Variants in TMEM72 observed in about 807,000 individuals in gnomAD.
TMEM72 encodes the protein transmembrane protein 72, also known as kidney-specific secretory protein of 37 kDa.
TMEM72 carries 9 observed loss-of-function variants against 16.3 expected under a neutral mutation model. That is an observed-to-expected ratio of 0.55 (90% CI 0.33 to 0.96). The LOEUF is 0.96. TMEM72 is among the 40% of genes least tolerant of loss of function. TMEM72 has a pLI of 0.03. For missense variants in TMEM72, 324 were observed against 337.8 expected, an observed-to-expected ratio of 0.96 and a Z score of 0.32; for synonymous variants, 160 against 146.5, an observed-to-expected ratio of 1.09 and a Z score of -0.66.
Position 44,934,973 on chromosome 10 carries a change from C to T in TMEM72, c.667C>T (p.His223Tyr). Residue 223 changes from histidine to tyrosine, a missense_variant, in exon 5 of 5, where the codon CAC becomes TAC. Transcript: ENST00000389583. ...CTCCCTGGCCAAGAAGAAGCAGGTG[C>T]ACTTTGAAGACAACTTGGTCCGCAT... Reference protein sequence around the residue: ...ADSLAKKKQVHFEDNLVRIVP... With the variant: ...ADSLAKKKQVYFEDNLVRIVP... 6.2e-7 allele frequency: 1 copy of T among 1,614,088 alleles called. No homozygotes were observed. The highest frequency in any genetic ancestry group is 8.5e-7 in the Non-Finnish European group (1 of 1,180,022).
At chr10:44,922,884 G>A (rs373637694) in intron 1 of TMEM72, among the ~76,000 whole-genome samples, 8 of 152,326 alleles carry the variant, frequency 5.3e-5, no homozygotes, top group East Asian at 3.9e-4. Flanking sequence ...ACTCTAAGGC[G>A]TCAGGCCAGA....
At chr10:44,925,169 C>T (rs1024782659) in intron 1 of TMEM72, among the ~76,000 whole-genome samples, 6 of 152,214 alleles carry the variant, frequency 3.9e-5, no homozygotes, top group African/African-American at 1.4e-4. Flanking sequence ...GATTTCCATC[C>T]GGCTCTCATT....
rs1380341832 is a variant in TMEM72, at chr10:44,935,629, C to T, written c.*495C>T. 1 of 153,380 alleles carries T rather than the reference C, an allele frequency of 6.5e-6. No homozygotes were observed. The highest frequency in any genetic ancestry group is 1.4e-5 in the Non-Finnish European group (1 of 69,004). 9.5% of individuals were successfully genotyped at this position (153,380 alleles called of 1,614,324 possible). On this transcript the variant is annotated 3_prime_UTR_variant, in exon 5 of 5. Coordinates refer to ENST00000389583, the MANE Select transcript of TMEM72 (RefSeq NM_001123376.3). ...AAGGTGGCTGTGGGTCTTGACCAACCAAGACTGCTCAGGGTCGGGAGGGGA... is the reference window on the plus strand; with the variant it reads ...AAGGTGGCTGTGGGTCTTGACCAACTAAGACTGCTCAGGGTCGGGAGGGGA...
chr10:44,931,051 G>C lies in TMEM72; in HGVS notation c.138-947G>C, dbSNP rs77958177. On this transcript the variant is annotated intron_variant, in intron 2 of 4. Coordinates refer to ENST00000389583, the MANE Select transcript of TMEM72 (RefSeq NM_001123376.3). ...CTGGGCTGTACAGAAGAATTAGACA[G>C]GGAACGCCCTCTGGGGGTTCACAGA... Among the ~76,000 whole-genome samples, 522 of 152,312 alleles carry C rather than the reference G, an allele frequency of 3.4e-3. 17 individuals are homozygous for C. The East Asian group carries it at 0.078, about 23-fold the overall frequency.
chr10:44,914,542 G>T (rs978752846), intron 1 of TMEM72, among the ~76,000 whole-genome samples: 1 of 152,204 alleles, frequency 6.6e-6, no homozygotes, highest in African/African-American at 2.4e-5. Context: ...CTGGGAAATG[G>T]CACACAGGCT....
At chr10:44,925,573 G>A (rs1262649635) in intron 1 of TMEM72, among the ~76,000 whole-genome samples, 3 of 152,172 alleles carry the variant, frequency 2.0e-5, no homozygotes, top group East Asian at 3.9e-4. Flanking sequence ...AGCTCACTAC[G>A]GTCCTCATGA....
At chr10:44,915,734 G>A (rs1485006991) in intron 1 of TMEM72, among the ~76,000 whole-genome samples, 2 of 152,074 alleles carry the variant, frequency 1.3e-5, no homozygotes, top group African/African-American at 4.8e-5. Flanking sequence ...ACATAGTCAA[G>A]GATCACCAAA....
intron 2 of TMEM72, among the ~76,000 whole-genome samples, chr10:44,928,935 G>A (rs1564437313): frequency 6.6e-6 from 1 of 152,138 alleles, no homozygotes; most frequent in Non-Finnish European, 1.5e-5. Flanking sequence ...TAGAGAATGG[G>A]GAATCAGGTC....
At chr10:44,918,257 T>C (rs1419782478) in intron 1 of TMEM72, among the ~76,000 whole-genome samples, 3 of 152,096 alleles carry the variant, frequency 2.0e-5, no homozygotes, top group Non-Finnish European at 2.9e-5. Context: ...AGCCAAACCA[T>C]ACCAGGGTAC....
intron 1 of TMEM72, among the ~76,000 whole-genome samples, chr10:44,913,123 G>A (rs940035996): frequency 2.6e-5 from 4 of 151,952 alleles, no homozygotes; most frequent in South Asian, 2.1e-4. Context: ...CCACGTTGTC[G>A]TCTACACATA....
chr10:44,924,320 C>T (rs1177446011), intron 1 of TMEM72, among the ~76,000 whole-genome samples: 2 of 152,194 alleles, frequency 1.3e-5, no homozygotes, highest in East Asian at 3.9e-4. Flanking sequence ...CTGATAGTCC[C>T]ACGAGTGGCC....
At chr10:44,914,672 C>A (rs1839988024) in intron 1 of TMEM72, among the ~76,000 whole-genome samples, 1 of 152,198 alleles carries the variant, frequency 6.6e-6, no homozygotes, top group South Asian at 2.1e-4. Context: ...GAGACTCAGG[C>A]CCCAGAGGAG....
At chr10:44,932,816 T>A (rs1472896314) in intron 3 of TMEM72, among the ~76,000 whole-genome samples, 1 of 152,118 alleles carries the variant, frequency 6.6e-6, no homozygotes, top group Non-Finnish European at 1.5e-5. Flanking sequence ...TGGGGAGGAA[T>A]GGACCCTGGA....
chr10:44,911,663 G>A (rs764283635), intron 1 of TMEM72, 81 bp downstream of exon 1: 76 of 1,478,840 alleles, frequency 5.1e-5, no homozygotes, highest in Non-Finnish European at 6.5e-5. Context: ...AGGTGGCCAG[G>A]AGACAGCAGG....
chr10:44,913,445 T>C (rs913644147), intron 1 of TMEM72, among the ~76,000 whole-genome samples: 1 of 148,576 alleles, frequency 6.7e-6, no homozygotes, highest in Admixed American at 6.7e-5. Context: ...GACACTCCCA[T>C]GTGCACGCAC....
At chr10:44,929,405 G>A (rs1427585667) in intron 2 of TMEM72, among the ~76,000 whole-genome samples, 1 of 152,162 alleles carries the variant, frequency 6.6e-6, no homozygotes, top group Non-Finnish European at 1.5e-5. Flanking sequence ...AATTTGCCAG[G>A]CTGCCCCACA....
At chr10:44,920,916 G>C (rs147030879) in intron 1 of TMEM72, among the ~76,000 whole-genome samples, 1 of 152,140 alleles carries the variant, frequency 6.6e-6, no homozygotes, top group African/African-American at 2.4e-5. Flanking sequence ...CCTAGCTTTC[G>C]TCAACCCATG....
intron 3 of TMEM72, among the ~76,000 whole-genome samples, chr10:44,933,027 G>A (rs1386333898): frequency 6.6e-6 from 1 of 152,244 alleles, no homozygotes; most frequent in Non-Finnish European, 1.5e-5. Flanking sequence ...GGATGGAGGC[G>A]CTGGGTCTAA....
intron 1 of TMEM72, among the ~76,000 whole-genome samples, chr10:44,912,370 T>A (rs1839950502): frequency 6.6e-6 from 1 of 152,138 alleles, no homozygotes; most frequent in Non-Finnish European, 1.5e-5. Flanking sequence ...AGAGCCAGGA[T>A]CTGTTTTGGG....
Sources: gnomAD v4.1 joint callset for allele counts (sites outside exome capture counted in the v4.1 genomes callset) on GRCh38, gnomAD v4.1.1 for gene constraint, MANE v1.5 for transcripts, NCBI Gene and HGNC (gene_info 2026-07-23, HGNC 2026-07-21) for gene names.